Variants in HAPSTR1 observed in about 807,000 individuals in gnomAD.
HAPSTR1 encodes HUWE1-associated protein modifying stress responses 1.
At chr16:9,104,105 C>T in the HAPSTR1 span, 2 of 148,714 alleles carry the variant, frequency 1.3e-5, no homozygotes, top group Middle Eastern at 3.5e-3. Context: ...GGTCATGAAT[C>T]CTTTTTTTCT....
chr16:9,093,124 C>G, the HAPSTR1 span: 1 of 975,144 alleles, frequency 1.0e-6, no homozygotes. Context: ...TACCTTGCAA[C>G]TTGAGAATCG....
the HAPSTR1 span, among the ~76,000 whole-genome samples, chr16:9,113,787 C>T: frequency 6.6e-6 from 1 of 152,144 alleles, no homozygotes; most frequent in African/African-American, 2.4e-5. Context: ...CATCTCTCCC[C>T]TCAAGTTTAG....
chr16:9,097,702 T>C, the HAPSTR1 span, among the ~76,000 whole-genome samples: 24 of 152,364 alleles, frequency 1.6e-4, no homozygotes, highest in African/African-American at 5.5e-4. Flanking sequence ...TTCTCCCCTG[T>C]GTGCACTCGC....
chr16:9,092,978 C>T, the HAPSTR1 span: 1 of 1,611,886 alleles, frequency 6.2e-7, no homozygotes, highest in South Asian at 1.1e-5. Flanking sequence ...AACGCAGCCA[C>T]CGCCGTCACC....
the HAPSTR1 span, among the ~76,000 whole-genome samples, chr16:9,114,094 A>C: frequency 6.6e-6 from 1 of 152,226 alleles, no homozygotes; most frequent in African/African-American, 2.4e-5. Flanking sequence ...CTGTAGAAAG[A>C]TAGCTCAAGA....
At chr16:9,114,143 G>C in the HAPSTR1 span, among the ~76,000 whole-genome samples, 2 of 152,134 alleles carry the variant, frequency 1.3e-5, no homozygotes, top group African/African-American at 2.4e-5. Context: ...AAGTAAGCTT[G>C]TGCCGGTTGG....
At chr16:9,100,754 C>T in the HAPSTR1 span, among the ~76,000 whole-genome samples, 3 of 152,044 alleles carry the variant, frequency 2.0e-5, no homozygotes, top group South Asian at 2.1e-4. Flanking sequence ...AGGCTGGTCT[C>T]GAACTCCTGA....
At chr16:9,117,694 A>G in the HAPSTR1 span, 2 of 152,522 alleles carry the variant, frequency 1.3e-5, no homozygotes, top group Admixed American at 6.5e-5. Flanking sequence ...AAATGTAAAC[A>G]TGTAGACTGC....
At chr16:9,115,540 T>A in the HAPSTR1 span, among the ~76,000 whole-genome samples, 18 of 152,200 alleles carry the variant, frequency 1.2e-4, no homozygotes, top group Non-Finnish European at 2.5e-4. Context: ...GAGTGGAATG[T>A]AAGTTTGGCT....
the HAPSTR1 span, chr16:9,103,198 G>A: frequency 1.4e-5 from 22 of 1,614,006 alleles, no homozygotes; most frequent in South Asian, 2.2e-5. Context: ...CTACTTCAAC[G>A]GAAACTAGCT....
At chr16:9,102,876 C>A in the HAPSTR1 span, 1 of 1,124,228 alleles carries the variant, frequency 8.9e-7, no homozygotes, top group South Asian at 1.5e-5. Context: ...GGCTCAGAGG[C>A]CACATCATGG....
At chr16:9,121,532 C>G in the HAPSTR1 span, 2 of 152,344 alleles carry the variant, frequency 1.3e-5, no homozygotes, top group East Asian at 1.9e-4. Context: ...TGAATGCTGA[C>G]TCTACTACCA....
the HAPSTR1 span, among the ~76,000 whole-genome samples, chr16:9,115,713 C>G: frequency 6.6e-6 from 1 of 152,170 alleles, no homozygotes; most frequent in Non-Finnish European, 1.5e-5. Context: ...CTCCCGGGTT[C>G]AAGCGATTCT....
At chr16:9,103,418 T>C in the HAPSTR1 span, 8 of 740,752 alleles carry the variant, frequency 1.1e-5, no homozygotes, top group African/African-American at 1.2e-4. Flanking sequence ...AAGAACTTAA[T>C]ATGGGCGATT....
At chr16:9,116,523 A>G in the HAPSTR1 span, 5 of 1,060,502 alleles carry the variant, frequency 4.7e-6, no homozygotes, top group South Asian at 7.9e-5. Flanking sequence ...TTTATCCAGA[A>G]TAAAACTTAA....
chr16:9,119,916 C>G, the HAPSTR1 span: 3 of 152,268 alleles, frequency 2.0e-5, no homozygotes, highest in East Asian at 3.9e-4. Flanking sequence ...GAGGGATGGC[C>G]AACATCCAAC....
chr16:9,118,411 A>G, the HAPSTR1 span: 1 of 152,642 alleles, frequency 6.6e-6, no homozygotes, highest in Non-Finnish European at 1.5e-5. Context: ...TCTGTGAAGA[A>G]ACTTTGCTGA....
chr16:9,105,889 G>A, the HAPSTR1 span: 3 of 152,188 alleles, frequency 2.0e-5, no homozygotes, highest in African/African-American at 7.2e-5. Context: ...ATTTAAGAGA[G>A]GACAGTTTTC....
At chr16:9,113,144 A>T in the HAPSTR1 span, 3 of 151,440 alleles carry the variant, frequency 2.0e-5, no homozygotes, top group East Asian at 5.8e-4. Context: ...AGTAGCTGTC[A>T]TTGGTTTGTA....
Sources: allele counts gnomAD v4.1 joint callset (sites outside exome capture counted in the v4.1 genomes callset), GRCh38; gene constraint gnomAD v4.1.1; transcripts MANE v1.5; gene names NCBI Gene and HGNC (gene_info 2026-07-23, HGNC 2026-07-21).